Variants in GNA14 observed in about 807,000 individuals in gnomAD.
The protein encoded by GNA14 is G protein subunit alpha 14.
Under a neutral mutation model 42.0 loss-of-function variants are expected in GNA14, and 50 were observed. The ratio of observed to expected loss-of-function variants is 1.19; its 90% CI spans 0.95 to 1.51. The LOEUF is 1.51. Ranked by LOEUF, GNA14 falls within the 40% of genes most tolerant of loss-of-function variation. The probability of loss-of-function intolerance (pLI) is 0.00; values close to 1 mark genes in which losing one functional copy is unlikely to be tolerated. For missense variants in GNA14, 473 were observed against 446.2 expected, an observed-to-expected ratio of 1.06 and a Z score of -0.54; for synonymous variants, 173 against 163.1, an observed-to-expected ratio of 1.06 and a Z score of -0.46.
At chr9:77,498,373 C>CAAAAAAAAAAAAAAAAAAAA (rs766816001) in intron 2 of GNA14, among the ~76,000 whole-genome samples, 1 of 54,122 alleles carries the variant, frequency 1.8e-5, no homozygotes, top group Non-Finnish European at 3.5e-5. Context: ...AAGTCTGTCT[C>CAAAAAAAAAAAAAAAAAAAA]AAAAAAAAAA....
intron 1 of GNA14, among the ~76,000 whole-genome samples, chr9:77,613,972 G>T (rs960646222): frequency 8.5e-5 from 13 of 152,314 alleles, no homozygotes; most frequent in African/African-American, 2.9e-4. Context: ...GTGGCAGAGA[G>T]GTTACCACTA....
At chr9:77,529,965 AGAC>A (rs1837504057) in intron 1 of GNA14, among the ~76,000 whole-genome samples, 1 of 152,254 alleles carries the variant, frequency 6.6e-6, no homozygotes, top group Non-Finnish European at 1.5e-5. Flanking sequence ...ATAGCAATTT[AGAC>A]AACAATTAAA....
chr9:77,530,449 G>A (rs149512844), intron 1 of GNA14, among the ~76,000 whole-genome samples: 81 of 152,320 alleles, frequency 5.3e-4, no homozygotes, highest in Non-Finnish European at 9.7e-4. Flanking sequence ...GTGGAAACGT[G>A]AGCCAATTCA....
At chr9:77,466,080 G>A (rs1307515878) in intron 2 of GNA14, among the ~76,000 whole-genome samples, 1 of 152,114 alleles carries the variant, frequency 6.6e-6, no homozygotes, top group Non-Finnish European at 1.5e-5. Context: ...AATGTGTCTG[G>A]GTGAATGCAT....
chr9:77,616,971 G>A (rs749966645), intron 1 of GNA14, among the ~76,000 whole-genome samples: 6 of 152,056 alleles, frequency 3.9e-5, no homozygotes, highest in Non-Finnish European at 8.8e-5. Context: ...CCGGGTTCAC[G>A]CCATTCTCCT....
At chr9:77,453,275 C>T (rs1835947017) in intron 2 of GNA14, among the ~76,000 whole-genome samples, 1 of 152,202 alleles carries the variant, frequency 6.6e-6, no homozygotes, top group Non-Finnish European at 1.5e-5. Flanking sequence ...GTGCCTTCAT[C>T]TTAGACTTCT....
chr9:77,474,267 G>A (rs1447322747), intron 2 of GNA14, among the ~76,000 whole-genome samples: 3 of 152,100 alleles, frequency 2.0e-5, no homozygotes, highest in African/African-American at 7.2e-5. Flanking sequence ...TTTAATAAGG[G>A]ACTTCTATTC....
intron 2 of GNA14, among the ~76,000 whole-genome samples, chr9:77,500,352 G>A (rs1370605896): frequency 6.6e-6 from 1 of 152,050 alleles, no homozygotes; most frequent in Non-Finnish European, 1.5e-5. Context: ...ACTTACCTAG[G>A]CAAAGAATAT....
intron 1 of GNA14, among the ~76,000 whole-genome samples, chr9:77,573,581 C>G (rs1476976387): frequency 2.6e-5 from 4 of 152,170 alleles, no homozygotes; most frequent in African/African-American, 9.7e-5. Flanking sequence ...AGGGCATCTG[C>G]AGGCTTCATG....
At chr9:77,455,768 T>C (rs1434284057) in intron 2 of GNA14, among the ~76,000 whole-genome samples, 1 of 152,230 alleles carries the variant, frequency 6.6e-6, no homozygotes, top group Non-Finnish European at 1.5e-5. Flanking sequence ...AGGAATCGCA[T>C]GAGTGAACCT....
chr9:77,602,228 G>A (rs1823578432), intron 1 of GNA14, among the ~76,000 whole-genome samples: 1 of 152,124 alleles, frequency 6.6e-6, no homozygotes, highest in African/African-American at 2.4e-5. Context: ...ATATTTCACT[G>A]AGGTTCAAGT....
intron 2 of GNA14, among the ~76,000 whole-genome samples, chr9:77,509,784 AC>A (rs1291067630): frequency 6.6e-6 from 1 of 152,130 alleles, no homozygotes; most frequent in African/African-American, 2.4e-5. Flanking sequence ...AATGACAAAA[AC>A]GGCAATTACT....
intron 2 of GNA14, among the ~76,000 whole-genome samples, chr9:77,467,002 T>A (rs934858652): frequency 2.2e-5 from 2 of 91,804 alleles, no homozygotes; most frequent in Admixed American, 9.6e-5. Flanking sequence ...TACCACTCGG[T>A]GTGTGTGTGT....
intron 1 of GNA14, among the ~76,000 whole-genome samples, chr9:77,533,828 A>C (rs1280817532): frequency 6.6e-6 from 1 of 152,162 alleles, no homozygotes; most frequent in Non-Finnish European, 1.5e-5. Flanking sequence ...ACATACAGAT[A>C]ATTTCTTTTC....
intron 1 of GNA14, among the ~76,000 whole-genome samples, chr9:77,569,605 G>A (rs1460323515): frequency 6.6e-6 from 1 of 152,168 alleles, no homozygotes; most frequent in African/African-American, 2.4e-5. Context: ...CTGCTCCAGG[G>A]AGGAATTAAG....
intron 2 of GNA14, among the ~76,000 whole-genome samples, chr9:77,497,811 T>C (rs1490492549): frequency 6.6e-6 from 1 of 151,890 alleles, no homozygotes; most frequent in Non-Finnish European, 1.5e-5. Context: ...CTAAAAACTT[T>C]ATGACTTTAT....
intron 2 of GNA14, among the ~76,000 whole-genome samples, chr9:77,477,803 C>T (rs1465036636): frequency 6.6e-6 from 1 of 151,430 alleles, no homozygotes; most frequent in African/African-American, 2.4e-5. Flanking sequence ...GAACAGAGTC[C>T]CATAAAAAAG....
intron 2 of GNA14, among the ~76,000 whole-genome samples, chr9:77,469,593 C>A (rs1666914798): frequency 6.6e-6 from 1 of 151,590 alleles, no homozygotes; most frequent in Non-Finnish European, 1.5e-5. Flanking sequence ...GTGGACAACC[C>A]TAACTTCCCA....
chr9:77,519,569 G>A (rs1331439158), intron 2 of GNA14, among the ~76,000 whole-genome samples: 2 of 152,078 alleles, frequency 1.3e-5, no homozygotes, highest in South Asian at 2.1e-4. Flanking sequence ...AATAATTCAT[G>A]TTCTCACTTA....
Sources: allele counts gnomAD v4.1 joint callset (sites outside exome capture counted in the v4.1 genomes callset), GRCh38; gene constraint gnomAD v4.1.1; transcripts MANE v1.5; gene names NCBI Gene and HGNC (gene_info 2026-07-23, HGNC 2026-07-21).